RPL9: variants seen among roughly 807,000 people sequenced by gnomAD.
RPL9 encodes the protein ribosomal protein L9, also known as large ribosomal subunit protein uL6.
For missense variants in RPL9, 149 were observed against 236.7 expected (o/e 0.63, Z 2.43); for synonymous variants, 82 against 77.1 (o/e 1.06, Z -0.33).
rs572641237 is a variant in RPL9, at chr4:39,457,524, A to G, written c.258+62T>C. The G allele has an allele frequency of 8.3e-6, 11 of 1,332,606 alleles. No homozygotes were observed. In the East Asian group the frequency reaches 2.1e-4, roughly 25 times the overall value. The allele number at this position is 1,332,606 out of a possible 1,614,324, so 82.5% of individuals were successfully genotyped here. A position where few individuals can be genotyped will look rare whatever the true frequency, so the allele number is the denominator to read the frequency against. On this transcript the variant is annotated intron_variant, in intron 4 of 7. Coordinates refer to ENST00000295955, the MANE Select transcript of RPL9 (RefSeq NM_000661.5). ...TCTCTGAAAGAGACACTTACGCTGT[A>G]TAAAGCACAGGTTTGAGAAACCTCC...
intron 1 of RPL9, 193 bp from the exon 2 acceptor site, chr4:39,458,633 G>C (rs924606158): frequency 9.4e-6 from 6 of 636,028 alleles, no homozygotes; most frequent in African/African-American, 9.2e-5. Context: ...GAATTACGAG[G>C]CCCAGCAGTC....
rs1197389980 is a variant in RPL9, at chr4:39,457,570, T to C, written c.258+16A>G. 1.9e-6 allele frequency: 3 copies of C among 1,601,848 alleles called. No homozygotes were observed. The highest frequency in any genetic ancestry group is 1.3e-5 in the African/African-American group (1 of 74,684). Reference sequence around the variant, plus strand: ...CCTCCCTTTCCAAAACAAGGAAGTCTGATACATCTGCTTACCAGTGTAACA... The same window carrying C: ...CCTCCCTTTCCAAAACAAGGAAGTCCGATACATCTGCTTACCAGTGTAACA... On this transcript the variant is annotated intron_variant, in intron 4 of 7. Transcript: ENST00000295955.
chr4:39,454,996 T>A, intron 5 of RPL9, 52 bp from the exon 6 acceptor site: 2 of 1,524,204 alleles, frequency 1.3e-6, no homozygotes, highest in Non-Finnish European at 1.8e-6. Flanking sequence ...AAAAAATATT[T>A]AAATTGCAGA....
chr4:39,457,771 A>G lies in RPL9; in HGVS notation c.163-90T>C. ...TACCGAATTACTTTAAGATTCTAGA[A>G]TTAACCCTTATCAAAGCACATGGTT... is the stretch of plus-strand genomic sequence containing the variant. On this transcript the variant is annotated intron_variant, in intron 3 of 7. Transcript: ENST00000295955. The G allele has an allele frequency of 3.7e-6, 4 of 1,088,932 alleles. No homozygotes were observed. The South Asian group carries it at 5.2e-5, about 14-fold the overall frequency. The allele number at this position is 1,088,932 out of a possible 1,614,324, so 67.5% of individuals were successfully genotyped here.
chr4:39,455,873 G>A (rs1209884008), intron 5 of RPL9: 2 of 177,734 alleles, frequency 1.1e-5, no homozygotes, highest in Admixed American at 1.1e-4. Flanking sequence ...AATCAAAGAT[G>A]TTTGCAATTT....
At chr4:39,458,335 G>A (rs758704218) in intron 2 of RPL9, 26 bp from the exon 3 acceptor site, 10 of 1,613,738 alleles carry the variant, frequency 6.2e-6, no homozygotes, top group South Asian at 1.1e-5. Flanking sequence ...CACTCGTCAG[G>A]CCACACAACG....
In RPL9 at chr4:39,457,366, A is replaced by T. The variant is rs866599611; in HGVS notation, c.258+220T>A. The T allele has an allele frequency of 3.4e-3, 1,428 of 416,116 alleles. 10 individuals are homozygous for T. The highest frequency in any genetic ancestry group is 5.3e-3 in the Middle Eastern group (8 of 1,500). The allele number at this position is 416,116 out of a possible 1,614,324, so 25.8% of individuals were successfully genotyped here. ...CCCAGCCTTGATTAAAAAAAAAAAA[A>T]ACCCAACAACAGAAAAAAACAAACA... On this transcript the variant is annotated intron_variant, in intron 4 of 7. Transcript: ENST00000295955.
intron 4 of RPL9, chr4:39,457,373 C>T (rs952664524): frequency 7.8e-6 from 3 of 385,984 alleles, no homozygotes; most frequent in Non-Finnish European, 1.4e-5. Context: ...AAAAACCCAA[C>T]AACAGAAAAA....
At chr4:39,457,926 T>C (rs1243913652) in intron 3 of RPL9, 2 of 627,780 alleles carry the variant, frequency 3.2e-6, no homozygotes, top group Non-Finnish European at 5.6e-6. Flanking sequence ...CCTGTGATTT[T>C]TACAAAGCAA....
chr4:39,457,505 A>C, intron 4 of RPL9, 81 bp downstream of exon 4: 1 of 1,191,828 alleles, frequency 8.4e-7, no homozygotes, highest in Non-Finnish European at 1.2e-6. Context: ...CCATTCTCTG[A>C]AAGAGACACT....
chr4:39,454,766 T>C, intron 6 of RPL9, 98 bp downstream of exon 6: 2 of 1,468,842 alleles, frequency 1.4e-6, no homozygotes, highest in Non-Finnish European at 1.9e-6. Context: ...TTTCACAATT[T>C]AAAAAGCTAA....
At chr4:39,455,810 T>C (rs2687956) in intron 5 of RPL9, 105,096 of 158,104 alleles carry the variant, frequency 0.66, 35,405 homozygotes, top group South Asian at 0.77. Context: ...TTAAAGCTAC[T>C]GTGTTTACTA....
chr4:39,456,213 G>C, intron 5 of RPL9, 193 bp downstream of exon 5: 1 of 628,620 alleles, frequency 1.6e-6, no homozygotes, highest in Admixed American at 2.7e-5. Flanking sequence ...AATTGTAATC[G>C]ACATAATGAT....
intron 5 of RPL9, chr4:39,456,180 A>T (rs1021092197): frequency 3.6e-6 from 2 of 556,236 alleles, no homozygotes; most frequent in Admixed American, 6.0e-5. Flanking sequence ...ACTGCAAGCT[A>T]CTCCAATGTA....
At chr4:39,457,535 G>T in intron 4 of RPL9, 51 bp downstream of exon 4, 1 of 1,435,158 alleles carries the variant, frequency 7.0e-7, no homozygotes, top group Non-Finnish European at 9.8e-7. Flanking sequence ...TAAAGCACAG[G>T]TTTGAGAAAC....
At chr4:39,455,025 G>T (rs1195425605) in intron 5 of RPL9, 81 bp from the exon 6 acceptor site, 4 of 1,352,352 alleles carry the variant, frequency 3.0e-6, no homozygotes, top group Middle Eastern at 1.8e-4. Flanking sequence ...TTTATTCCAT[G>T]TAAAACTCCA....
chr4:39,454,480 G>A (rs1345211376), intron 7 of RPL9, 53 bp downstream of exon 7: 36 of 1,303,228 alleles, frequency 2.8e-5, no homozygotes, highest in Non-Finnish European at 3.8e-5. Context: ...AGTAAATTAA[G>A]AGCTTCATTC....
chr4:39,458,865 C>G (rs771992768), intron 1 of RPL9, 26 bp downstream of exon 1: 1 of 698,036 alleles, frequency 1.4e-6, no homozygotes, highest in African/African-American at 1.7e-5. Flanking sequence ...TTCCCAGTAC[C>G]CCCACGAGCA....
intron 4 of RPL9, 106 bp from the exon 5 acceptor site, chr4:39,456,644 G>A: frequency 8.0e-7 from 1 of 1,242,240 alleles, no homozygotes; most frequent in Non-Finnish European, 1.1e-6. Context: ...AACACTCACT[G>A]CCAAGATTTT....
Sources: allele counts gnomAD v4.1 joint callset, GRCh38; gene constraint gnomAD v4.1.1; transcripts MANE v1.5; gene names NCBI Gene and HGNC (gene_info 2026-07-23, HGNC 2026-07-21).